Variants in TFEC observed in about 807,000 individuals in gnomAD.
TFEC encodes transcription factor EC.
A neutral mutation model predicts 41.6 loss-of-function variants in TFEC; 31 were observed. The ratio of observed to expected loss-of-function variants is 0.74; its 90% confidence interval spans 0.56 to 1.01. TFEC has a LOEUF of 1.01. Ranked by LOEUF, TFEC falls within the 50% of genes least tolerant of loss-of-function variation. The pLI is 0.00. For missense variants in TFEC, 402 were observed against 404.1 expected (o/e 0.99, Z 0.04); for synonymous variants, 143 against 140.6 (o/e 1.02, Z -0.12).
chr7:115,947,989 G>C (rs1194588536), intron 6 of TFEC, among the ~76,000 whole-genome samples: 1 of 152,100 alleles, frequency 6.6e-6, no homozygotes, highest in Non-Finnish European at 1.5e-5. Context: ...GAATCAAATA[G>C]ATGCAATAAG....
At chr7:116,014,639 C>T (rs1041975756) in intron 1 of TFEC, among the ~76,000 whole-genome samples, 1 of 152,120 alleles carries the variant, frequency 6.6e-6, no homozygotes, top group African/African-American at 2.4e-5. Flanking sequence ...AAGATGTCCA[C>T]ATCTTACCCT....
chr7:115,981,593 A>G (rs1055830669), intron 2 of TFEC, among the ~76,000 whole-genome samples: 2 of 152,232 alleles, frequency 1.3e-5, no homozygotes, highest in Admixed American at 1.3e-4. Context: ...CAATTAACAG[A>G]CTAAAAGATA....
intron 3 of TFEC, among the ~76,000 whole-genome samples, chr7:116,051,121 G>A (rs192913478): frequency 1.3e-5 from 2 of 152,192 alleles, no homozygotes; most frequent in East Asian, 3.9e-4. Context: ...TGCAGGGTGG[G>A]GAACATCACA....
At chr7:116,008,559 G>A (rs572759679) in intron 1 of TFEC, among the ~76,000 whole-genome samples, 2 of 152,234 alleles carry the variant, frequency 1.3e-5, no homozygotes, top group African/African-American at 2.4e-5. Context: ...AGGTATATAA[G>A]AGGAAATCTA....
chr7:116,136,341 C>A (rs748688946), intron 1 of TFEC, among the ~76,000 whole-genome samples: 1 of 151,846 alleles, frequency 6.6e-6, no homozygotes, highest in South Asian at 2.1e-4. Context: ...AACTCAAATA[C>A]GCATATCTGC....
chr7:116,079,435 A>C (rs1189301881), intron 3 of TFEC, among the ~76,000 whole-genome samples: 1 of 152,068 alleles, frequency 6.6e-6, no homozygotes, highest in East Asian at 1.9e-4. Context: ...AAAACTCTAA[A>C]GACTCATCCA....
intron 1 of TFEC, among the ~76,000 whole-genome samples, chr7:116,019,398 C>T (rs911327057): frequency 8.5e-5 from 13 of 152,114 alleles, no homozygotes; most frequent in African/African-American, 3.1e-4. Flanking sequence ...GGAAATTATT[C>T]CCAAAGGTTG....
At chr7:116,049,541 C>A (rs1325366564) in intron 3 of TFEC, among the ~76,000 whole-genome samples, 1 of 152,178 alleles carries the variant, frequency 6.6e-6, no homozygotes, top group Non-Finnish European at 1.5e-5. Flanking sequence ...GAGACTTCAA[C>A]ACCCCACTGT....
chr7:116,101,240 G>A (rs1409208111), intron 3 of TFEC, among the ~76,000 whole-genome samples: 1 of 143,446 alleles, frequency 7.0e-6, no homozygotes. Context: ...ATAAGAGGAT[G>A]GACACAAAGA....
chr7:116,101,971 G>A (rs1318975029), intron 3 of TFEC, among the ~76,000 whole-genome samples: 1 of 152,108 alleles, frequency 6.6e-6, no homozygotes, highest in Admixed American at 6.6e-5. Context: ...CTTTTCTATA[G>A]TCTTTTAATC....
At chr7:115,992,165 A>T (rs1250152222) in intron 1 of TFEC, among the ~76,000 whole-genome samples, 1 of 152,230 alleles carries the variant, frequency 6.6e-6, no homozygotes, top group Non-Finnish European at 1.5e-5. Flanking sequence ...CAATGAGAAC[A>T]AAGACACAAC....
intron 1 of TFEC, among the ~76,000 whole-genome samples, chr7:115,997,223 G>A (rs1185023049): frequency 1.3e-5 from 2 of 152,190 alleles, no homozygotes; most frequent in African/African-American, 4.8e-5. Context: ...CAAGATCCAG[G>A]TAGCTCAGCA....
At chr7:115,968,064 T>C (rs1210151643) in intron 3 of TFEC, 1 of 1,029,530 alleles carries the variant, frequency 9.7e-7, no homozygotes, top group Admixed American at 3.2e-5. Context: ...ATTTTATGCG[T>C]TTCAAAGCTC....
intron 3 of TFEC, among the ~76,000 whole-genome samples, chr7:116,091,288 C>T (rs1797322143): frequency 6.9e-6 from 1 of 144,780 alleles, no homozygotes; most frequent in Non-Finnish European, 1.5e-5. Flanking sequence ...ATCTAGTGTT[C>T]TCTTTCCTCA....
intron 1 of TFEC, among the ~76,000 whole-genome samples, chr7:116,025,634 G>A (rs10258989): frequency 0.18 from 27,514 of 152,072 alleles, 2,862 homozygotes; most frequent in Non-Finnish European, 0.24. Flanking sequence ...CACATGTCAA[G>A]TTGGTAGCAA....
At chr7:115,974,388 A>G in intron 2 of TFEC, 132 bp from the exon 3 acceptor site, 2 of 200,468 alleles carry the variant, frequency 1.0e-5, no homozygotes, top group Non-Finnish European at 2.0e-5. Flanking sequence ...ATATATACAT[A>G]TATATAAAAC....
intron 1 of TFEC, among the ~76,000 whole-genome samples, chr7:116,017,989 A>G (rs1795258324): frequency 1.1e-5 from 1 of 90,950 alleles, no homozygotes; most frequent in Non-Finnish European, 2.7e-5. Context: ...TTGGGCAAAT[A>G]TTAGGTTCTT....
At chr7:115,952,702 G>A (rs956239953) in intron 5 of TFEC, among the ~76,000 whole-genome samples, 3 of 152,008 alleles carry the variant, frequency 2.0e-5, no homozygotes, top group African/African-American at 4.8e-5. Context: ...ACTTATAAAG[G>A]AGTCAAGTTT....
At chr7:116,148,992 T>C (rs560960815) in intron 1 of TFEC, among the ~76,000 whole-genome samples, 2 of 151,750 alleles carry the variant, frequency 1.3e-5, no homozygotes, top group Admixed American at 6.6e-5. Context: ...GAATGATTGA[T>C]AGAGTAAAAA....
Sources: gnomAD v4.1 joint callset for allele counts (sites outside exome capture counted in the v4.1 genomes callset) on GRCh38, gnomAD v4.1.1 for gene constraint, MANE v1.5 for transcripts, NCBI Gene and HGNC (gene_info 2026-07-23, HGNC 2026-07-21) for gene names.